The following CRAMP1 variants were observed in gnomAD, a reference collection of about 807,000 sequenced individuals.
The protein encoded by CRAMP1 is protein cramped-like.
CRAMP1 carries 50 observed loss-of-function variants against 115.4 expected under a neutral mutation model. The ratio of observed to expected loss-of-function variants is 0.43; its 90% CI spans 0.35 to 0.55. The LOEUF (loss-of-function observed/expected upper bound fraction) is 0.55. CRAMP1 is among the 20% of genes least tolerant of loss of function. The pLI, the probability that CRAMP1 is intolerant of heterozygous loss-of-function variation, is 0.01. For missense variants in CRAMP1, 1,679 were observed against 1,721.7 expected, an observed-to-expected ratio of 0.98 and a Z score of 0.44; for synonymous variants, 866 against 745.4, an observed-to-expected ratio of 1.16 and a Z score of -2.64.
intron 6 of CRAMP1, among the ~76,000 whole-genome samples, chr16:1,641,659 C>A (rs1471252786): frequency 1.3e-5 from 2 of 152,220 alleles, no homozygotes; most frequent in African/African-American, 4.8e-5. Context: ...ACCTGACTCC[C>A]AGAGGGCACA....
chr16:1,618,724 A>G (rs573449967), intron 2 of CRAMP1, among the ~76,000 whole-genome samples: 3 of 152,176 alleles, frequency 2.0e-5, no homozygotes, highest in African/African-American at 4.8e-5. Context: ...TTTCAAAAAG[A>G]TGTCTCATAA....
At chr16:1,642,536 C>T (rs1299456825) in intron 6 of CRAMP1, among the ~76,000 whole-genome samples, 4 of 152,188 alleles carry the variant, frequency 2.6e-5, no homozygotes, top group Non-Finnish European at 5.9e-5. Flanking sequence ...ACCGCCTTGC[C>T]CAGGCGCCCC....
chr16:1,666,422 G>T lies in CRAMP1; in HGVS notation c.2858G>T (p.Ser953Ile), dbSNP rs756973137. 10 of 1,612,008 alleles carry T rather than the reference G, an allele frequency of 6.2e-6. No individual in the cohort carries two copies. Among genetic ancestry groups the T allele is most frequent in the Non-Finnish European group, 8.5e-6 (10 of 1,178,972 alleles). The change falls in exon 16 of 21, where the codon AGT (serine) becomes ATT (isoleucine). Residue 953 changes from serine to isoleucine, a missense_variant and splice_region_variant. Around this residue, in one of 8 missense-constraint regions of CRAMP1, gnomAD observed 709 missense variants for 741.9 expected, o/e 0.96. Transcript: ENST00000397412. The surrounding 1 kb of genome is among the most constrained non-coding windows in gnomAD (Gnocchi z 5.0). The part of the protein sequence containing the change: ...LPPQATSHLA[S>I]AIDLAATSAG... ...TGTGCAGCGTCCTTTTTGTTGCCAG[G>T]TGCTATCGACTTAGCAGCTACAAGT...
chr16:1,652,617 T>G (rs1567456763), intron 7 of CRAMP1, 36 bp downstream of exon 7: 1 of 1,520,126 alleles, frequency 6.6e-7, no homozygotes, highest in Non-Finnish European at 8.9e-7. Context: ...CCAGAGGCGG[T>G]GCCCATGGTG....
intron 8 of CRAMP1, 67 bp from the exon 9 acceptor site, chr16:1,655,152 G>A (rs1294420977): frequency 6.5e-6 from 9 of 1,376,472 alleles, no homozygotes; most frequent in Admixed American, 5.1e-5. Context: ...AAGCAGCCTC[G>A]GGACTCTTCA....
chr16:1,657,136 T>G, intron 10 of CRAMP1, 144 bp downstream of exon 10: 1 of 743,116 alleles, frequency 1.3e-6, no homozygotes, highest in Non-Finnish European at 2.1e-6. Flanking sequence ...GCCAGGAGCC[T>G]TCAGGACCTC....
In CRAMP1 at chr16:1,670,814, G is replaced by A. The variant is rs769868960; in HGVS notation, c.3645+5G>A. The A allele has an allele frequency of 1.2e-6, 2 of 1,613,710 alleles. No individual in the cohort carries two copies. The highest frequency in any genetic ancestry group is 1.1e-5 in the South Asian group (1 of 91,068). ...TCCCTGGCTGACGTTGCAGAGGTGA[G>A]TGCATTGACCTCACAGCTGCACCTG... is the stretch of plus-strand genomic sequence containing the variant. On this transcript the variant is annotated splice_donor_5th_base_variant and intron_variant, in intron 20 of 20. Transcript: ENST00000397412.
At chr16:1,613,803 A>C (rs1262611529) in intron 1 of CRAMP1, among the ~76,000 whole-genome samples, 1 of 152,230 alleles carries the variant, frequency 6.6e-6, no homozygotes, top group African/African-American at 2.4e-5. Context: ...GGGTGGTTCC[A>C]ACCTGTTCCA....
At chr16:1,628,358 A>G (rs937740409) in intron 3 of CRAMP1, among the ~76,000 whole-genome samples, 5 of 152,162 alleles carry the variant, frequency 3.3e-5, no homozygotes, top group African/African-American at 1.2e-4. Flanking sequence ...GGTTAAAGCG[A>G]TTCTCCTGCT....
At position 1,625,871 on chromosome 16, in the gene CRAMP1, T is replaced by C; in HGVS notation, c.347-102T>C. 5 of 1,170,966 alleles carry C rather than the reference T, an allele frequency of 4.3e-6. No homozygotes were observed. In the South Asian group the frequency reaches 7.3e-5, roughly 17 times the overall value. The allele number at this position is 1,170,966 out of a possible 1,614,324, so 72.5% of individuals were successfully genotyped here. A position where few individuals can be genotyped will look rare whatever the true frequency, so the allele number is the denominator to read the frequency against. Reference sequence around the variant, plus strand: ...GCATCCTCGGTTGAGGAGTGTGGAGTGGGACCTCAGGGCAGTGGGCCCTTC... The same window carrying C: ...GCATCCTCGGTTGAGGAGTGTGGAGCGGGACCTCAGGGCAGTGGGCCCTTC... On this transcript the variant is annotated intron_variant, in intron 2 of 20. Coordinates refer to ENST00000397412, the MANE Select transcript of CRAMP1 (RefSeq NM_020825.4).
chr16:1,661,283 C>A (rs956136611), intron 11 of CRAMP1, among the ~76,000 whole-genome samples: 13 of 152,242 alleles, frequency 8.5e-5, no homozygotes, highest in African/African-American at 3.1e-4. Flanking sequence ...GATTGTGCCA[C>A]TGCACTCCAG....
intron 9 of CRAMP1, 63 bp from the exon 10 acceptor site, chr16:1,655,814 G>T: frequency 1.3e-6 from 2 of 1,543,988 alleles, no homozygotes; most frequent in Non-Finnish European, 8.8e-7. Flanking sequence ...CTGTACCCAT[G>T]TGCCTGGTCA....
intron 3 of CRAMP1, among the ~76,000 whole-genome samples, chr16:1,626,506 G>T (rs551323432): frequency 2.9e-4 from 44 of 152,076 alleles, no homozygotes; most frequent in African/African-American, 1.1e-3. Flanking sequence ...TGTGCTGAGT[G>T]GGCTGATTTA....
chr16:1,638,057 C>T lies in CRAMP1; in HGVS notation c.778+150C>T, dbSNP rs933363811. 1.7e-5 allele frequency: 8 copies of T among 466,522 alleles called. No homozygotes were observed. The Admixed American group carries it at 3.3e-4, about 19-fold the overall frequency. 28.9% of individuals were successfully genotyped at this position (466,522 alleles called of 1,614,324 possible). On this transcript the variant is annotated intron_variant, in intron 5 of 20. Transcript: ENST00000397412. ...GGTGAAGAATATGATGGCGGCCGTG[C>T]TCTTTAGCTTAGATGGACCTGTTGC...
chr16:1,616,977 G>C (rs113787090), intron 2 of CRAMP1, among the ~76,000 whole-genome samples: 20,207 of 149,904 alleles, frequency 0.13, 1,669 homozygotes, highest in East Asian at 0.26. Flanking sequence ...ACCACACCCA[G>C]CTAATTTTTT....
At chr16:1,643,755 ACT>A (rs1292444823) in intron 6 of CRAMP1, among the ~76,000 whole-genome samples, 2 of 152,124 alleles carry the variant, frequency 1.3e-5, no homozygotes, top group African/African-American at 4.8e-5. Flanking sequence ...GCCATCTGCC[ACT>A]CTGAGAACCA....
chr16:1,619,075 A>G (rs1042431674), intron 2 of CRAMP1, among the ~76,000 whole-genome samples: 1 of 152,212 alleles, frequency 6.6e-6, no homozygotes, highest in Non-Finnish European at 1.5e-5. Flanking sequence ...TAACAGGGAG[A>G]TGATTCATGA....
chr16:1,618,662 A>G (rs1428586481), intron 2 of CRAMP1, among the ~76,000 whole-genome samples: 5 of 152,202 alleles, frequency 3.3e-5, no homozygotes, highest in African/African-American at 7.2e-5. Flanking sequence ...ACTGTGCACA[A>G]TTTACTCTTT....
At chr16:1,640,656 G>A (rs954155030) in intron 5 of CRAMP1, among the ~76,000 whole-genome samples, 23 of 152,184 alleles carry the variant, frequency 1.5e-4, no homozygotes, top group Admixed American at 1.1e-3. Flanking sequence ...AGAGGGTGTC[G>A]GAGTCTTCAT....
Sources: gnomAD v4.1 joint callset for allele counts (sites outside exome capture counted in the v4.1 genomes callset) on GRCh38, gnomAD v4.1.1 for gene constraint, gnomAD v4.1.1 regional missense constraint, Gnocchi (gnomAD v3.1) non-coding constraint, MANE v1.5 for transcripts, NCBI Gene and HGNC (gene_info 2026-07-23, HGNC 2026-07-21) for gene names.